Variants in EVI5 observed in about 807,000 individuals in gnomAD.
The protein encoded by EVI5 is ecotropic viral integration site 5 protein homolog.
In EVI5, 73 loss-of-function variants were observed where a neutral mutation model predicts 112.0. That is an observed-to-expected ratio of 0.65 (90% CI 0.54 to 0.79). The LOEUF is 0.79. Ranked by LOEUF, EVI5 falls within the 30% of genes least tolerant of loss-of-function variation. The probability of loss-of-function intolerance (pLI) is 0.00; values close to 1 mark genes in which losing one functional copy is unlikely to be tolerated. For missense variants in EVI5, 900 were observed against 968.8 expected, an observed-to-expected ratio of 0.93 and a Z score of 0.94; for synonymous variants, 305 against 319.9, an observed-to-expected ratio of 0.95 and a Z score of 0.50.
chr1:92,648,776 C>A (rs1382453105), intron 13 of EVI5, among the ~76,000 whole-genome samples: 1 of 152,048 alleles, frequency 6.6e-6, no homozygotes, highest in Admixed American at 6.5e-5. Context: ...ATCCATTCAC[C>A]CACTGAAGGA....
At chr1:92,728,900 T>C (rs1676034506) in intron 2 of EVI5, among the ~76,000 whole-genome samples, 1 of 152,168 alleles carries the variant, frequency 6.6e-6, no homozygotes, top group South Asian at 2.1e-4. Flanking sequence ...TAATATTTAG[T>C]AACCATCTGA....
chr1:92,675,123 G>T (rs543628444), intron 10 of EVI5, among the ~76,000 whole-genome samples: 1 of 152,096 alleles, frequency 6.6e-6, no homozygotes, highest in Non-Finnish European at 1.5e-5. Context: ...CAGGTGGATC[G>T]CCTGCACTCA....
chr1:92,607,457 A>G, intron 17 of EVI5, 124 bp downstream of exon 17: 1 of 672,298 alleles, frequency 1.5e-6, no homozygotes, highest in East Asian at 3.3e-5. Context: ...CAAGTTCAGG[A>G]AAAGTAGAAA....
chr1:92,591,946 T>C (rs1010466472), intron 18 of EVI5, among the ~76,000 whole-genome samples: 1 of 152,148 alleles, frequency 6.6e-6, no homozygotes, highest in African/African-American at 2.4e-5. Flanking sequence ...GAACTCAGGA[T>C]TAAGAAACTC....
chr1:92,736,627 C>T lies in EVI5; in HGVS notation c.-81G>A, dbSNP rs766080106. 1 of 1,607,824 alleles carries T rather than the reference C, an allele frequency of 6.2e-7. No individual in the cohort carries two copies. The highest frequency in any genetic ancestry group is 1.1e-5 in the South Asian group (1 of 90,974). ...TTTTCTGCAACTTTGTCTGTCGCCA[C>T]CTAAGGACAAAAATAAAAGTTGCAT... On this transcript the variant is annotated splice_region_variant and 5_prime_UTR_variant, in exon 2 of 20. The change creates a new upstream start codon in the 5' untranslated region. Transcript: ENST00000684568.
At chr1:92,663,992 CTT>C (rs1399258185) in intron 11 of EVI5, among the ~76,000 whole-genome samples, 3 of 152,322 alleles carry the variant, frequency 2.0e-5, no homozygotes, top group South Asian at 4.1e-4. Context: ...ACGCAATCCT[CTT>C]GTCTCAGCCT....
intron 2 of EVI5, among the ~76,000 whole-genome samples, chr1:92,717,372 A>G (rs1221955864): frequency 6.6e-6 from 1 of 152,224 alleles, no homozygotes; most frequent in Non-Finnish European, 1.5e-5. Flanking sequence ...AAGCCAGAAG[A>G]GAGTAGGGGC....
At chr1:92,748,610 T>C (rs977049080) in intron 1 of EVI5, among the ~76,000 whole-genome samples, 2 of 152,154 alleles carry the variant, frequency 1.3e-5, no homozygotes, top group African/African-American at 4.8e-5. Flanking sequence ...TTAACAGTGC[T>C]TGAAATAAAA....
chr1:92,520,938 A>G (rs1329644012), intron 19 of EVI5, among the ~76,000 whole-genome samples: 1 of 149,520 alleles, frequency 6.7e-6, no homozygotes, highest in Admixed American at 6.7e-5. Context: ...GGCCTGCAAA[A>G]AGCACGTATG....
Position 92,721,016 on chromosome 1 carries a change from G to A in EVI5, c.149+15382C>T, listed in dbSNP as rs544614127. On this transcript the variant is annotated intron_variant, in intron 2 of 19. Coordinates refer to ENST00000684568, the MANE Select transcript of EVI5 (RefSeq NM_001350197.2). ...CAGTTAGAATGGCAATCATTAAAAA[G>A]TCAGGAAACAACAGATGCTGGAGAG... 1.2e-3 allele frequency among the ~76,000 whole-genome samples: 187 copies of A among 152,240 alleles called. 1 individual carries two copies. Among genetic ancestry groups the A allele is most frequent in the African/African-American group, 4.4e-3 (184 of 41,552 alleles).
At chr1:92,524,559 C>T (rs934591901) in intron 19 of EVI5, among the ~76,000 whole-genome samples, 1 of 152,146 alleles carries the variant, frequency 6.6e-6, no homozygotes, top group South Asian at 2.1e-4. Flanking sequence ...CAAGTCTAGG[C>T]CCATTAAGGT....
chr1:92,758,668 T>C (rs1405268563), intron 1 of EVI5, among the ~76,000 whole-genome samples: 2 of 151,146 alleles, frequency 1.3e-5, no homozygotes, highest in East Asian at 1.9e-4. Context: ...AAATTACACA[T>C]ATATTCAAAT....
chr1:92,577,174 T>A (rs1350589933), intron 18 of EVI5, among the ~76,000 whole-genome samples: 2 of 152,180 alleles, frequency 1.3e-5, no homozygotes, highest in African/African-American at 4.8e-5. Context: ...GGCCCCAATA[T>A]AATTCCCTTT....
chr1:92,784,511 G>GTCCT, intron 1 of EVI5: 1 of 803,780 alleles, frequency 1.2e-6, no homozygotes, highest in Non-Finnish European at 1.5e-6. Flanking sequence ...CAGGGTCAGT[G>GTCCT]TCCTCCACGG....
At chr1:92,719,851 C>G (rs564329149) in intron 2 of EVI5, among the ~76,000 whole-genome samples, 2 of 151,584 alleles carry the variant, frequency 1.3e-5, no homozygotes, top group East Asian at 3.9e-4. Context: ...CATACAAAAT[C>G]AATGTGCAAA....
At chr1:92,687,336 T>A (rs963494015) in intron 9 of EVI5, among the ~76,000 whole-genome samples, 28 of 152,314 alleles carry the variant, frequency 1.8e-4, no homozygotes, top group South Asian at 6.2e-4. Context: ...TGGCTAGCTA[T>A]ATGTAGAAAG....
At chr1:92,676,193 G>A (rs1666721342) in intron 10 of EVI5, among the ~76,000 whole-genome samples, 1 of 152,034 alleles carries the variant, frequency 6.6e-6, no homozygotes, top group South Asian at 2.1e-4. Flanking sequence ...GAAAACTGGA[G>A]AGACTGTCTC....
At chr1:92,730,061 A>G (rs1035879119) in intron 2 of EVI5, among the ~76,000 whole-genome samples, 3 of 152,188 alleles carry the variant, frequency 2.0e-5, no homozygotes, top group African/African-American at 7.2e-5. Flanking sequence ...ATAAATTCTC[A>G]GCAAACAAGA....
chr1:92,727,346 G>A (rs1675733023), intron 2 of EVI5, among the ~76,000 whole-genome samples: 1 of 152,118 alleles, frequency 6.6e-6, no homozygotes, highest in African/African-American at 2.4e-5. Flanking sequence ...TTAAAAGTGT[G>A]AATTTTAGAT....
Sources: gnomAD v4.1 joint callset for allele counts (sites outside exome capture counted in the v4.1 genomes callset) on GRCh38, gnomAD v4.1.1 for gene constraint, MANE v1.5 for transcripts, NCBI Gene and HGNC (gene_info 2026-07-23, HGNC 2026-07-21) for gene names.